The following TSHZ2 variants were observed in gnomAD, a reference collection of about 807,000 sequenced individuals.
TSHZ2 encodes the protein teashirt homolog 2.
TSHZ2 carries 21 observed loss-of-function variants against 74.4 expected under a neutral mutation model. The observed-to-expected ratio is 0.28, with a 90% CI of 0.20 to 0.41. TSHZ2 has a LOEUF of 0.41. Among genes scored for constraint, TSHZ2 ranks in the 10% least tolerant of loss-of-function variants. The pLI, the probability that TSHZ2 is intolerant of heterozygous loss-of-function variation, is 1.00. For synonymous variants in TSHZ2, 540 were observed against 515.3 expected (o/e 1.05, Z -0.65); for missense variants, 1,244 against 1,293.5 (o/e 0.96, Z 0.59).
intron 1 of TSHZ2, among the ~76,000 whole-genome samples, chr20:53,197,246 G>T (rs1988893049): frequency 6.6e-6 from 1 of 152,202 alleles, no homozygotes; most frequent in Non-Finnish European, 1.5e-5. Context: ...GTCAGCAGTT[G>T]CTGGCTAAAC....
In TSHZ2 at chr20:53,254,222, A is replaced by T. The variant is rs1600769953; in HGVS notation, c.764A>T (p.Tyr255Phe). ...RKKDKLRPTSYSKPRKRAFQD... is the reference protein window; with the variant it reads ...RKKDKLRPTSFSKPRKRAFQD... Reference sequence around the variant, plus strand: ...AAGGACAAGCTCAGACCCACGAGCTATTCAAAGCCCAGGAAAAGGGCTTTC... The same window carrying T: ...AAGGACAAGCTCAGACCCACGAGCTTTTCAAAGCCCAGGAAAAGGGCTTTC... The change falls in exon 2 of 3, where the codon TAT (tyrosine) becomes TTT (phenylalanine). Residue 255 changes from tyrosine to phenylalanine, a missense_variant. Around this residue, in one of 6 missense-constraint regions of TSHZ2, gnomAD observed 470 missense variants for 456.5 expected, o/e 1.03. Transcript: ENST00000371497. 1 of 1,614,066 alleles carries T rather than the reference A, an allele frequency of 6.2e-7. No homozygotes were observed. Among genetic ancestry groups the T allele is most frequent in the African/African-American group, 1.3e-5 (1 of 74,930 alleles).
intron 1 of TSHZ2, among the ~76,000 whole-genome samples, chr20:53,101,763 A>G (rs1986225075): frequency 6.6e-6 from 1 of 152,228 alleles, no homozygotes; most frequent in Admixed American, 6.5e-5. Context: ...TTTTGGCAAC[A>G]TGAAGGTTCA....
intron 1 of TSHZ2, chr20:53,185,429 C>T: frequency 7.6e-7 from 1 of 1,311,674 alleles, no homozygotes; most frequent in Non-Finnish European, 9.8e-7. Context: ...GATTCCAGCA[C>T]TTTGGGAGGC....
rs1477810184 is a variant in TSHZ2, at chr20:53,494,815, A to G, written c.*7680A>G. 6.6e-6 allele frequency: 1 copy of G among 151,840 alleles called. No individual in the cohort carries two copies. The highest frequency in any genetic ancestry group is 6.6e-5 in the Admixed American group (1 of 15,218). 9.4% of individuals were successfully genotyped at this position (151,840 alleles called of 1,614,324 possible). A position where few individuals can be genotyped will look rare whatever the true frequency, so the allele number is the denominator to read the frequency against. ...TATATTATTTACATTTTTATACATG[A>G]TAACTCTTGCCTTTGTGTTGAAAAA... On this transcript the variant is annotated 3_prime_UTR_variant, in exon 3 of 3. Coordinates refer to ENST00000371497, the MANE Select transcript of TSHZ2 (RefSeq NM_173485.6).
intron 2 of TSHZ2, among the ~76,000 whole-genome samples, chr20:53,280,665 T>TTTGTTG (rs142111177): frequency 7.1e-6 from 1 of 140,618 alleles, no homozygotes; most frequent in Non-Finnish European, 1.6e-5. Context: ...TTGTTTGTTT[T>TTTGTTG]TTGTTGTTGT....
intron 2 of TSHZ2, among the ~76,000 whole-genome samples, chr20:53,444,500 T>C (rs547113878): frequency 2.0e-5 from 3 of 152,024 alleles, no homozygotes; most frequent in East Asian, 3.9e-4. Context: ...CAGGAAGGGA[T>C]TGAGAGAGGC....
At chr20:53,212,858 C>T (rs1989345890) in intron 1 of TSHZ2, among the ~76,000 whole-genome samples, 1 of 152,204 alleles carries the variant, frequency 6.6e-6, no homozygotes, top group Non-Finnish European at 1.5e-5. Context: ...GAACCCATCC[C>T]TGGACCACTC....
intron 1 of TSHZ2, among the ~76,000 whole-genome samples, chr20:53,175,204 C>T (rs567370671): frequency 2.2e-5 from 3 of 137,894 alleles, no homozygotes; most frequent in Non-Finnish European, 3.0e-5. Context: ...TGCAATAGCA[C>T]GATCTCGGCT....
At chr20:53,092,913 A>G (rs1985927592) in intron 1 of TSHZ2, among the ~76,000 whole-genome samples, 1 of 152,222 alleles carries the variant, frequency 6.6e-6, no homozygotes, top group African/African-American at 2.4e-5. Flanking sequence ...TCAGCTGGAA[A>G]GCAGCTATAG....
Position 53,439,640 on chromosome 20 carries a change from T to C in TSHZ2, c.*9-47504T>C, listed in dbSNP as rs545061968. Among the ~76,000 whole-genome samples the C allele has an allele frequency of 6.4e-4, 98 of 152,316 alleles. No individual in the cohort carries two copies. The Middle Eastern group carries it at 0.014, about 21-fold the overall frequency. ...AATAGCCTAGCTTTTTTTTTCCCTG[T>C]GGCATAAATTGTTCTAATTATACGT... On this transcript the variant is annotated intron_variant, in intron 2 of 2. Transcript: ENST00000371497.
At chr20:53,212,649 A>T (rs1989339975) in intron 1 of TSHZ2, among the ~76,000 whole-genome samples, 1 of 152,158 alleles carries the variant, frequency 6.6e-6, no homozygotes, top group African/African-American at 2.4e-5. Flanking sequence ...CTTCTAACTG[A>T]ATAGTGTGAG....
intron 2 of TSHZ2, among the ~76,000 whole-genome samples, chr20:53,322,505 C>G (rs1265434274): frequency 6.6e-6 from 1 of 151,618 alleles, no homozygotes; most frequent in Admixed American, 6.6e-5. Flanking sequence ...AGAGCAAGAC[C>G]CTGTCTCAAA....
intron 2 of TSHZ2, among the ~76,000 whole-genome samples, chr20:53,452,753 G>A (rs1410068640): frequency 1.3e-5 from 2 of 152,184 alleles, no homozygotes; most frequent in Non-Finnish European, 2.9e-5. Context: ...GTGTGTGAAG[G>A]AGGTACATGT....
chr20:53,078,932 A>C lies in TSHZ2; in HGVS notation c.40+105599A>C, dbSNP rs375431414. Among the ~76,000 whole-genome samples, 8 of 152,324 alleles carry C rather than the reference A, an allele frequency of 5.3e-5. No individual in the cohort carries two copies. In the East Asian group the frequency reaches 1.2e-3, roughly 22 times the overall value. On this transcript the variant is annotated intron_variant, in intron 1 of 2. Transcript: ENST00000371497. ...TATCTGGATTTCAACATAATACCCA[A>C]TTACATCAATGTCAAAGTCCTAGCA...
chr20:53,291,223 G>A (rs1991271399), intron 2 of TSHZ2, among the ~76,000 whole-genome samples: 1 of 152,266 alleles, frequency 6.6e-6, no homozygotes, highest in African/African-American at 2.4e-5. Context: ...TGTAATCCCA[G>A]CACCTTGGGA....
At chr20:53,133,233 C>A (rs1987155203) in intron 1 of TSHZ2, among the ~76,000 whole-genome samples, 1 of 152,168 alleles carries the variant, frequency 6.6e-6, no homozygotes, top group Admixed American at 6.6e-5. Flanking sequence ...CTACATGATC[C>A]CCATTTGTGT....
intron 1 of TSHZ2, among the ~76,000 whole-genome samples, chr20:53,025,720 C>T (rs1051161367): frequency 1.3e-5 from 2 of 152,176 alleles, no homozygotes; most frequent in Non-Finnish European, 2.9e-5. Flanking sequence ...AATTCAATTT[C>T]TTATATGATC....
chr20:53,375,753 T>C (rs1399239256), intron 2 of TSHZ2, among the ~76,000 whole-genome samples: 1 of 152,328 alleles, frequency 6.6e-6, no homozygotes, highest in African/African-American at 2.4e-5. Flanking sequence ...CTGGGAAACA[T>C]TCTTGTGTGC....
intron 1 of TSHZ2, among the ~76,000 whole-genome samples, chr20:53,050,080 C>CAA (rs201397919): frequency 8.4e-5 from 9 of 106,830 alleles, no homozygotes; most frequent in Admixed American, 4.7e-4. Context: ...GACTCAATCT[C>CAA]AAAAAAAAAA....
Sources: allele counts gnomAD v4.1 joint callset (sites outside exome capture counted in the v4.1 genomes callset), GRCh38; gene constraint gnomAD v4.1.1; regional missense constraint gnomAD v4.1.1; transcripts MANE v1.5; gene names NCBI Gene and HGNC (gene_info 2026-07-23, HGNC 2026-07-21).